Variants in KLHDC7B observed in about 807,000 individuals in gnomAD.
KLHDC7B encodes kelch domain-containing protein 7B.
A neutral mutation model predicts 0.6 loss-of-function variants in KLHDC7B; 1 was observed. The observed-to-expected ratio is 1.71, with a 90% CI of 0.61 to 8.11. The LOEUF is 8.11. Ranked by LOEUF, KLHDC7B falls within the 30% of genes most tolerant of loss-of-function variation. The pLI, the probability that KLHDC7B is intolerant of heterozygous loss-of-function variation, is 0.13. For synonymous variants in KLHDC7B, 462 were observed against 405.2 expected (o/e 1.14, Z -1.68); for missense variants, 993 against 894.9 (o/e 1.11, Z -1.40).
rs747089200 is a variant in KLHDC7B at position 50,548,438 on chromosome 22, G to A, written c.2195G>A (p.Ser732Asn). The A allele has an allele frequency of 6.3e-7, 1 of 1,579,062 alleles. No homozygotes were observed. The highest frequency in any genetic ancestry group is 1.2e-5 in the South Asian group (1 of 86,700). Reference protein sequence around the residue: ...GLRGEGTREKSLDPLPQAAMP... With the variant: ...GLRGEGTREKNLDPLPQAAMP... ...AGAGGAGAGGGAACCAGGGAGAAAA[G>A]TCTAGACCCGCTGCCCCAAGCCGCG... Residue 732 changes from serine to asparagine, a missense_variant, in exon 1 of 1, where the codon AGT (serine) becomes AAT (asparagine). By Grantham distance (46) the Ser-to-Asn change is conservative (BLOSUM62 1). Coordinates refer to ENST00000648057, the MANE Select transcript of KLHDC7B (RefSeq NM_138433.5). This position sits in a 1 kb window ranked among gnomAD's most constrained non-coding sequence, Gnocchi z 5.3.
chr22:50,550,227 T>A lies in KLHDC7B; in HGVS notation c.*276T>A. The stretch of plus-strand genomic sequence containing the variant: ...CAGCTTGCTGACACCCCCCTGTCTG[T>A]GGGACTCCCTATTCCCTAGAGCCAG... On this transcript the variant is annotated 3_prime_UTR_variant, in exon 1 of 1. Transcript: ENST00000648057. The A allele has an allele frequency of 2.3e-6, 1 of 437,662 alleles. No homozygotes were observed. The highest frequency in any genetic ancestry group is 4.2e-6 in the Non-Finnish European group (1 of 237,548). 27.1% of individuals were successfully genotyped at this position (437,662 alleles called of 1,614,324 possible).
chr22:50,548,718 G>A lies in KLHDC7B; in HGVS notation c.2475G>A (p.Val825=). Residue 825 remains valine, a synonymous_variant, in exon 1 of 1, where the codon GTG becomes GTA. Coordinates refer to ENST00000648057, the MANE Select transcript of KLHDC7B (RefSeq NM_138433.5). The surrounding 1 kb of genome is among the most constrained non-coding windows in gnomAD (Gnocchi z 5.3). ...EKQEEARKLM[V]FLQRPGGWGV... ...AGGAGGAGGCCCGGAAGCTCATGGT[G>A]TTTCTGCAGAGGCCCGGGGGTTGGG... The A allele has an allele frequency of 1.3e-6, 2 of 1,501,490 alleles. No individual in the cohort carries two copies. The highest frequency in any genetic ancestry group is 1.8e-6 in the Non-Finnish European group (2 of 1,126,504). The allele number at this position is 1,501,490 out of a possible 1,614,324, so 93.0% of individuals were successfully genotyped here.
chr22:50,548,621 G>T lies in KLHDC7B; in HGVS notation c.2378G>T (p.Gly793Val). 6.5e-7 allele frequency: 1 copy of T among 1,543,004 alleles called. No homozygotes were observed. The highest frequency in any genetic ancestry group is 8.7e-7 in the Non-Finnish European group (1 of 1,144,988). ...CAGGAGGTCAGGCCGGCCGCCTCGG[G>T]GGACCCTCAAGGGGAGGCGCCGGGG... is the stretch of plus-strand genomic sequence containing the variant. ...SEQEVRPAAS[G>V]DPQGEAPGEG... is the part of the protein sequence containing the mutation. Residue 793 changes from glycine (G) to valine (V), a missense_variant, in exon 1 of 1, where the codon GGG becomes GTG. Gly to Val is a moderately radical substitution (Grantham distance 109). Transcript: ENST00000648057. This position sits in a 1 kb window ranked among gnomAD's most constrained non-coding sequence, Gnocchi z 5.3.
In KLHDC7B at chr22:50,550,476, C is replaced by T. The variant is rs2148696694; in HGVS notation, c.*525C>T. On this transcript the variant is annotated 3_prime_UTR_variant, in exon 1 of 1. Transcript: ENST00000648057. Reference sequence around the variant, plus strand: ...GGGTCTGTTTGGCACTGTGGATTCTCAAGGGCCTAGAACCCTTGCCTCTGA... The same window carrying T: ...GGGTCTGTTTGGCACTGTGGATTCTTAAGGGCCTAGAACCCTTGCCTCTGA... 5.9e-6 allele frequency: 1 copy of T among 168,828 alleles called. No individual in the cohort carries two copies. Among genetic ancestry groups the T allele is most frequent in the East Asian group, 1.9e-4 (1 of 5,216 alleles). 10.5% of individuals were successfully genotyped at this position (168,828 alleles called of 1,614,324 possible). A position where few individuals can be genotyped will look rare whatever the true frequency, so the allele number is the denominator to read the frequency against.
chr22:50,549,935 T>C lies in KLHDC7B; in HGVS notation c.3692T>C (p.Leu1231Pro). ...FILTLPPEDRLQTSL is the reference protein window; with the variant it reads ...FILTLPPEDRPQTSL ...CTGACTCTGCCCCCTGAGGACCGGC[T>C]GCAGACCTCACTCTGAGTGGCAGGC... The change falls in exon 1 of 1, where the codon CTG (leucine) becomes CCG (proline). Residue 1231 changes from leucine (L) to proline (P), a missense_variant. Coordinates refer to ENST00000648057, the MANE Select transcript of KLHDC7B (RefSeq NM_138433.5). The C allele has an allele frequency of 6.4e-7, 1 of 1,568,516 alleles. No individual in the cohort carries two copies. Among genetic ancestry groups the C allele is most frequent in the Non-Finnish European group, 8.7e-7 (1 of 1,152,296 alleles).
chr22:50,550,156 C>G lies in KLHDC7B; in HGVS notation c.*205C>G, dbSNP rs992477845. 1 of 552,968 alleles carries G rather than the reference C, an allele frequency of 1.8e-6. No individual in the cohort carries two copies. The highest frequency in any genetic ancestry group is 3.2e-6 in the Non-Finnish European group (1 of 312,872). The allele number at this position is 552,968 out of a possible 1,614,324, so 34.3% of individuals were successfully genotyped here. A position where few individuals can be genotyped will look rare whatever the true frequency, so the allele number is the denominator to read the frequency against. ...CCTCTTTCTGCCCCTCACTCCACACCCAGACTGTTTCCTGACTCAATTCCG... is the reference window on the plus strand; with the variant it reads ...CCTCTTTCTGCCCCTCACTCCACACGCAGACTGTTTCCTGACTCAATTCCG... On this transcript the variant is annotated 3_prime_UTR_variant, in exon 1 of 1. Transcript: ENST00000648057.
In KLHDC7B at chr22:50,549,333, G is replaced by A; in HGVS notation, c.3090G>A (p.Arg1030=). 1 of 1,612,804 alleles carries A rather than the reference G, an allele frequency of 6.2e-7. No homozygotes were observed. The highest frequency in any genetic ancestry group is 8.5e-7 in the Non-Finnish European group (1 of 1,179,980). ...TGACCAACATCTGGAGCCAGGTTCG[G>A]CCCATGCAGCAGGCCCGAGCCCAGC... ...NPLTNIWSQV[R]PMQQARAQLK... Residue 1030 remains arginine, a synonymous_variant, in exon 1 of 1, where the codon CGG becomes CGA. Coordinates refer to ENST00000648057, the MANE Select transcript of KLHDC7B (RefSeq NM_138433.5).
chr22:50,548,787 G>A lies in KLHDC7B; in HGVS notation c.2544G>A (p.Glu848=). ...GGAAGCCCAGCTCCCGGGCCCTGGA[G>A]CCCGCCACGGCGGCAGCCCTGCGGC... The part of the protein sequence containing the change: ...GPRKPSSRAL[E]PATAAALRRR... The change falls in exon 1 of 1, where the codon GAG becomes GAA. Residue 848 remains glutamate (E), a synonymous_variant. Coordinates refer to ENST00000648057, the MANE Select transcript of KLHDC7B (RefSeq NM_138433.5). This position sits in a 1 kb window ranked among gnomAD's most constrained non-coding sequence, Gnocchi z 5.3. 1.4e-6 allele frequency: 2 copies of A among 1,456,454 alleles called. No homozygotes were observed. Among genetic ancestry groups the A allele is most frequent in the Non-Finnish European group, 1.8e-6 (2 of 1,110,160 alleles). The allele number at this position is 1,456,454 out of a possible 1,614,324, so 90.2% of individuals were successfully genotyped here.
Position 50,548,618 on chromosome 22 carries a change from C to A in KLHDC7B, c.452C>A (p.Ser151Ter). Residue 151 changes from serine (S) to a stop codon, truncating the protein, a stop_gained, in exon 1 of 1, where the codon TCG becomes TAG. Coordinates refer to the KLHDC7B transcript ENST00000395676. LOFTEE classifies it low-confidence loss of function (END_TRUNC). This position sits in a 1 kb window ranked among gnomAD's most constrained non-coding sequence, Gnocchi z 5.3. ...GAGCAGGAGGTCAGGCCGGCCGCCT[C>A]GGGGGACCCTCAAGGGGAGGCGCCG... 6.5e-7 allele frequency: 1 copy of A among 1,542,638 alleles called. No individual in the cohort carries two copies. The highest frequency in any genetic ancestry group is 8.7e-7 in the Non-Finnish European group (1 of 1,144,908).
At position 50,546,840 on chromosome 22, in the gene KLHDC7B, T is replaced by C. The variant is rs5770881; in HGVS notation, c.597T>C (p.Ser199=). Among the ~76,000 whole-genome samples the C allele has an allele frequency of 0.21, 31,187 of 151,872 alleles. 4,928 individuals are homozygous for C. Among genetic ancestry groups the C allele is most frequent in the African/African-American group, 0.41 (16,939 of 41,422 alleles). ...AGACAGGTGGTGTCAGGGCGTCCTC[T>C]CGCCAGGCCGCAGGCCCCGCGGGGC... ...EAETGGVRAS[S]RQAAGPAGQQ... The change falls in exon 1 of 1, where the codon TCT becomes TCC. Residue 199 remains serine (S), a synonymous_variant. Transcript: ENST00000648057.
Position 50,548,715 on chromosome 22 carries a change from G to A in KLHDC7B, c.2472G>A (p.Met824Ile), listed in dbSNP as rs1290346599. ...TEKQEEARKLMVFLQRPGGWG... is the reference protein window; with the variant it reads ...TEKQEEARKLIVFLQRPGGWG... ...AGCAGGAGGAGGCCCGGAAGCTCAT[G>A]GTGTTTCTGCAGAGGCCCGGGGGTT... Residue 824 changes from methionine (M) to isoleucine (I), a missense_variant, in exon 1 of 1, where the codon ATG becomes ATA. Coordinates refer to ENST00000648057, the MANE Select transcript of KLHDC7B (RefSeq NM_138433.5). The surrounding 1 kb of genome is among the most constrained non-coding windows in gnomAD (Gnocchi z 5.3). 2.0e-6 allele frequency: 3 copies of A among 1,508,308 alleles called. No individual in the cohort carries two copies. The highest frequency in any genetic ancestry group is 2.7e-6 in the Non-Finnish European group (3 of 1,129,514). 93.4% of individuals were successfully genotyped at this position (1,508,308 alleles called of 1,614,324 possible). A position where few individuals can be genotyped will look rare whatever the true frequency, so the allele number is the denominator to read the frequency against.
chr22:50,548,682 C>A lies in KLHDC7B; in HGVS notation c.2439C>A (p.Leu813=), dbSNP rs765408714. The A allele has an allele frequency of 7.9e-6, 12 of 1,520,438 alleles. No homozygotes were observed. The highest frequency in any genetic ancestry group is 1.1e-5 in the Non-Finnish European group (12 of 1,134,402). The allele number at this position is 1,520,438 out of a possible 1,614,324, so 94.2% of individuals were successfully genotyped here. The change falls in exon 1 of 1, where the codon CTC becomes CTA. Residue 813 remains leucine, a synonymous_variant. Coordinates refer to ENST00000648057, the MANE Select transcript of KLHDC7B (RefSeq NM_138433.5). This position sits in a 1 kb window ranked among gnomAD's most constrained non-coding sequence, Gnocchi z 5.3. ...GGSPAGRSGA[L]TEKQEEARKL... Reference sequence around the variant, plus strand: ...GCCCTGCCGGCCGCAGCGGGGCGCTCACGGAAAAGCAGGAGGAGGCCCGGA... The same window carrying A: ...GCCCTGCCGGCCGCAGCGGGGCGCTAACGGAAAAGCAGGAGGAGGCCCGGA...
In KLHDC7B at chr22:50,546,974, G is replaced by C. The variant is rs2069736764; in HGVS notation, c.731G>C (p.Arg244Pro). Among the ~76,000 whole-genome samples the C allele has an allele frequency of 6.6e-6, 1 of 151,562 alleles. No homozygotes were observed. The highest frequency in any genetic ancestry group is 2.4e-5 in the African/African-American group (1 of 41,328). Residue 244 changes from arginine (R) to proline (P), a missense_variant, in exon 1 of 1, where the codon CGC (arginine) becomes CCC (proline). Physicochemically the swap from Arg to Pro is moderately radical, Grantham distance 103. Transcript: ENST00000648057. ...MDAGSGDRARRPRKLDPLRLG... is the reference protein window; with the variant it reads ...MDAGSGDRARPPRKLDPLRLG... ...GCTGGCTCGGGAGACAGAGCCCGCC[G>C]CCCCCGGAAACTGGACCCGCTCCGC...
Position 50,549,541 on chromosome 22 carries a change from C to G in KLHDC7B, c.3298C>G (p.Leu1100Val). The G allele has an allele frequency of 1.2e-6, 2 of 1,603,744 alleles. No individual in the cohort carries two copies. The highest frequency in any genetic ancestry group is 1.7e-6 in the Non-Finnish European group (2 of 1,173,910). Reference protein sequence around the residue: ...RGDIYVTGGHLFYRLLRYSPV... With the variant: ...RGDIYVTGGHVFYRLLRYSPV... ...GGACATCTACGTCACCGGGGGTCAC[C>G]TCTTCTACCGCCTGCTCAGGTACAG... The change falls in exon 1 of 1, where the codon CTC becomes GTC. Residue 1100 changes from leucine (L) to valine (V), a missense_variant. By Grantham distance (32) the Leu-to-Val change is conservative. Transcript: ENST00000648057.
Position 50,546,536 on chromosome 22 carries a change from C to A in KLHDC7B, c.293C>A (p.Pro98His). The change falls in exon 1 of 1, where the codon CCC becomes CAC. Residue 98 changes from proline (P) to histidine (H), a missense_variant. Coordinates refer to ENST00000648057, the MANE Select transcript of KLHDC7B (RefSeq NM_138433.5). ...GQSPGQGKPEPPGRGQQSPVP... is the reference protein window; with the variant it reads ...GQSPGQGKPEHPGRGQQSPVP... ...AGCCCAGGGCAGGGGAAACCAGAGC[C>A]CCCAGGACGCGGCCAGCAGAGCCCT... The A allele has an allele frequency of 2.5e-6, 1 of 398,858 alleles. No individual in the cohort carries two copies. The highest frequency in any genetic ancestry group is 4.4e-6 in the Non-Finnish European group (1 of 226,062). 24.7% of individuals were successfully genotyped at this position (398,858 alleles called of 1,614,324 possible). A position where few individuals can be genotyped will look rare whatever the true frequency, so the allele number is the denominator to read the frequency against.
In KLHDC7B at chr22:50,548,835, C is replaced by T; in HGVS notation, c.2592C>T (p.Cys864=). 3.9e-6 allele frequency: 6 copies of T among 1,538,626 alleles called. No individual in the cohort carries two copies. The highest frequency in any genetic ancestry group is 4.4e-6 in the Non-Finnish European group (5 of 1,145,812). ...ALRRRLDLGS[C]LDVLAFAQQH... ...GGCGGCGGCTGGACCTGGGCAGTTG[C>T]CTGGACGTGCTGGCCTTTGCCCAGC... The change falls in exon 1 of 1, where the codon TGC becomes TGT. Residue 864 remains cysteine, a synonymous_variant. Coordinates refer to ENST00000648057, the MANE Select transcript of KLHDC7B (RefSeq NM_138433.5). The surrounding 1 kb of genome is among the most constrained non-coding windows in gnomAD (Gnocchi z 5.3).
In KLHDC7B at chr22:50,546,388, G is replaced by A. The variant is rs1416048172; in HGVS notation, c.145G>A (p.Gly49Arg). The A allele has an allele frequency of 5.0e-6, 2 of 399,230 alleles. No individual in the cohort carries two copies. Among genetic ancestry groups the A allele is most frequent in the Non-Finnish European group, 8.8e-6 (2 of 226,356 alleles). 24.7% of individuals were successfully genotyped at this position (399,230 alleles called of 1,614,324 possible). A position where few individuals can be genotyped will look rare whatever the true frequency, so the allele number is the denominator to read the frequency against. The change falls in exon 1 of 1, where the codon GGG becomes AGG. Residue 49 changes from glycine to arginine, a missense_variant. Coordinates refer to ENST00000648057, the MANE Select transcript of KLHDC7B (RefSeq NM_138433.5). The stretch of plus-strand genomic sequence containing the variant: ...GCTGGCCTTACACTGGTTTGGCTCC[G>A]GGCACGATCAAGAGGCGGCAGAACC... ...TALALHWFGS[G>R]HDQEAAEPVS...
Position 50,549,831 on chromosome 22 carries a change from TGG to T in KLHDC7B, c.1670_1671del (p.Gly557AspfsTer30), listed in dbSNP as rs1234422717. On this transcript the variant is annotated frameshift_variant, in exon 1 of 1. Transcript: ENST00000395676. LOFTEE classifies it low-confidence loss of function (END_TRUNC). ...AGGTCACTGCCACCTTCACGGTCTCTGGGGGGACTGCCCAGTTCCAGGCCAAG... is the reference window on the plus strand; with the variant it reads ...AGGTCACTGCCACCTTCACGGTCTCTGGGGACTGCCCAGTTCCAGGCCAAG... 3 of 1,585,020 alleles carry T rather than the reference TGG, an allele frequency of 1.9e-6. No individual in the cohort carries two copies. Among genetic ancestry groups the T allele is most frequent in the Middle Eastern group, 3.3e-4 (2 of 6,034 alleles).
chr22:50,548,999 G>A lies in KLHDC7B; in HGVS notation c.2756G>A (p.Arg919Gln). The change falls in exon 1 of 1, where the codon CGG (arginine) becomes CAG (glutamine). Residue 919 changes from arginine (R) to glutamine (Q), a missense_variant. By Grantham distance (43) the Arg-to-Gln change is conservative (BLOSUM62 1). Transcript: ENST00000648057. This position sits in a 1 kb window ranked among gnomAD's most constrained non-coding sequence, Gnocchi z 5.3. The stretch of plus-strand genomic sequence containing the variant: ...CGCATCCTCAGCCTGCGGACCGGCC[G>A]GGGCCGGGCGGTGCTGGGCGTCCTC... ...RERILSLRTG[R>Q]GRAVLGVLVL... 2.5e-6 allele frequency: 4 copies of A among 1,596,252 alleles called. No homozygotes were observed. Among genetic ancestry groups the A allele is most frequent in the African/African-American group, 1.3e-5 (1 of 74,712 alleles).
Sources: allele counts gnomAD v4.1 joint callset (sites outside exome capture counted in the v4.1 genomes callset), GRCh38; gene constraint gnomAD v4.1.1; non-coding constraint Gnocchi (gnomAD v3.1); transcripts MANE v1.5; gene names NCBI Gene and HGNC (gene_info 2026-07-23, HGNC 2026-07-21).